Variants in CATSPERE observed in about 807,000 individuals in gnomAD.
CATSPERE encodes cation channel sperm-associated auxiliary subunit epsilon.
In CATSPERE, 93 loss-of-function variants were observed where a neutral mutation model predicts 114.1. The ratio of observed to expected loss-of-function variants is 0.81; its 90% CI spans 0.69 to 0.97. The LOEUF (loss-of-function observed/expected upper bound fraction) is 0.97. CATSPERE is among the 50% of genes least tolerant of loss of function. The pLI is 0.00. For synonymous variants in CATSPERE, 341 were observed against 384.1 expected, an observed-to-expected ratio of 0.89 and a Z score of 1.31; for missense variants, 1,058 against 1,131.6, an observed-to-expected ratio of 0.93 and a Z score of 0.93.
intron 7 of CATSPERE, among the ~76,000 whole-genome samples, chr1:244,514,611 C>CCT (rs1676291941): frequency 1.3e-5 from 2 of 152,068 alleles, no homozygotes; most frequent in Non-Finnish European, 2.9e-5. Context: ...GGGTGGATCA[C>CCT]GAGGTCAGGA....
At chr1:244,486,919 G>T (rs111755346) in intron 5 of CATSPERE, among the ~76,000 whole-genome samples, 889 of 129,096 alleles carry the variant, frequency 6.9e-3, no homozygotes, top group Middle Eastern at 0.016. Flanking sequence ...CGTGGGCCAG[G>T]TGTAGACCCT....
intron 20 of CATSPERE, among the ~76,000 whole-genome samples, chr1:244,619,389 A>G (rs1671804785): frequency 6.6e-6 from 1 of 152,226 alleles, no homozygotes; most frequent in South Asian, 2.1e-4. Context: ...GTAAAACAGG[A>G]TATTTAAAGG....
chr1:244,571,151 C>T (rs941625380), intron 10 of CATSPERE, among the ~76,000 whole-genome samples: 3 of 152,218 alleles, frequency 2.0e-5, no homozygotes, highest in African/African-American at 7.2e-5. Flanking sequence ...GTCATCCATT[C>T]ACATTTCTCC....
At position 244,552,825 on chromosome 1, in the gene CATSPERE, G is replaced by A. The variant is rs774685397; in HGVS notation, c.1029+11G>A. On this transcript the variant is annotated intron_variant, in intron 9 of 21. Coordinates refer to ENST00000366534, the MANE Select transcript of CATSPERE (RefSeq NM_001130957.2). Reference sequence around the variant, plus strand: ...AATTATTTATTAAAGGTTAGTAAAAGATATTTTATATTTTATAAATATATT... The same window carrying A: ...AATTATTTATTAAAGGTTAGTAAAAAATATTTTATATTTTATAAATATATT... The A allele has an allele frequency of 6.3e-5, 79 of 1,262,920 alleles. No individual in the cohort carries two copies. The highest frequency in any genetic ancestry group is 7.2e-5 in the Non-Finnish European group (69 of 956,030). 78.2% of individuals were successfully genotyped at this position (1,262,920 alleles called of 1,614,324 possible).
chr1:244,594,184 G>C (rs1418513169), intron 17 of CATSPERE, among the ~76,000 whole-genome samples: 1 of 152,124 alleles, frequency 6.6e-6, no homozygotes, highest in Non-Finnish European at 1.5e-5. Context: ...GCCAGGCATG[G>C]TGGTGTGTGC....
intron 1 of CATSPERE, 129 bp downstream of exon 1, chr1:244,461,623 C>T (rs886446925): frequency 6.0e-6 from 4 of 666,236 alleles, no homozygotes; most frequent in African/African-American, 3.7e-5. Flanking sequence ...GCCTCGTCTC[C>T]TGGCTCCCCA....
At chr1:244,536,800 GAGA>G (rs1213522312) in intron 8 of CATSPERE, among the ~76,000 whole-genome samples, 4 of 152,304 alleles carry the variant, frequency 2.6e-5, no homozygotes, top group Middle Eastern at 3.4e-3. Flanking sequence ...TGTTCCTATG[GAGA>G]AGAAGATTGG....
intron 13 of CATSPERE, among the ~76,000 whole-genome samples, chr1:244,584,525 T>A (rs1483512720): frequency 6.8e-6 from 1 of 148,028 alleles, no homozygotes; most frequent in Non-Finnish European, 1.5e-5. Flanking sequence ...AACTGAACAG[T>A]ATTATTACTA....
rs1050539656 is a variant in CATSPERE, at chr1:244,610,175, A to G, written c.2404-65A>G. On this transcript the variant is annotated intron_variant, in intron 18 of 21. Transcript: ENST00000366534. The stretch of plus-strand genomic sequence containing the variant: ...ATTTTCAATAGCAACAAAACATTAA[A>G]TACTTAGGAATAAGTTGATATGAAA... 8.7e-6 allele frequency: 9 copies of G among 1,033,968 alleles called. No homozygotes were observed. The African/African-American group carries it at 1.3e-4, about 15-fold the overall frequency. 64.0% of individuals were successfully genotyped at this position (1,033,968 alleles called of 1,614,324 possible).
At chr1:244,490,240 T>C (rs914267990) in intron 5 of CATSPERE, among the ~76,000 whole-genome samples, 6 of 152,212 alleles carry the variant, frequency 3.9e-5, no homozygotes, top group Admixed American at 3.9e-4. Context: ...CAGCCTTCTG[T>C]GATGACAAAT....
rs1573139939 is a variant in CATSPERE at position 244,637,587 on chromosome 1, C to A, written c.2702+2045C>A. Reference sequence around the variant, plus strand: ...CCCCCTTCACCCTTACTGGAACCTCCACCTCTACTTCCAATCTCTCTTTTT... The same window carrying A: ...CCCCCTTCACCCTTACTGGAACCTCAACCTCTACTTCCAATCTCTCTTTTT... On this transcript the variant is annotated intron_variant, in intron 21 of 21. Transcript: ENST00000366534. Among the ~76,000 whole-genome samples, 4 of 152,250 alleles carry A rather than the reference C, an allele frequency of 2.6e-5. No homozygotes were observed. The South Asian group carries it at 6.2e-4, about 24-fold the overall frequency.
upstream of CATSPERE, among the ~76,000 whole-genome samples, chr1:244,457,920 C>T (rs1666305053): frequency 2.0e-5 from 3 of 152,088 alleles, no homozygotes; most frequent in South Asian, 2.1e-4. Flanking sequence ...TGTAAAACTG[C>T]TATAATTCTA....
intron 2 of CATSPERE, among the ~76,000 whole-genome samples, chr1:244,474,208 A>G (rs1428979230): frequency 6.6e-6 from 1 of 151,624 alleles, no homozygotes; most frequent in Non-Finnish European, 1.5e-5. Flanking sequence ...ATTTTTTTGT[A>G]TTTTTAGTAG....
At position 244,560,834 on chromosome 1, in the gene CATSPERE, A is replaced by G. The variant is rs779082610; in HGVS notation, c.1196A>G (p.His399Arg). 1.2e-6 allele frequency: 2 copies of G among 1,613,964 alleles called. No individual in the cohort carries two copies. Among genetic ancestry groups the G allele is most frequent in the East Asian group, 2.2e-5 (1 of 44,870 alleles). ...LTIDRVEYTG[H>R]PLEIAVFLNY... ...ATAGACAGGGTTGAGTATACAGGACACCCTCTGGAGATTGCTGTGTTTTTA... is the reference window on the plus strand; with the variant it reads ...ATAGACAGGGTTGAGTATACAGGACGCCCTCTGGAGATTGCTGTGTTTTTA... Residue 399 changes from histidine (H) to arginine (R), a missense_variant, in exon 10 of 22, where the codon CAC becomes CGC. Physicochemically the swap from His to Arg is conservative, Grantham distance 29. Around this residue, in one of 2 missense-constraint regions of CATSPERE, gnomAD observed 787 missense variants for 905.6 expected, o/e 0.87. Transcript: ENST00000366534.
chr1:244,536,065 G>C (rs540630951), intron 8 of CATSPERE, among the ~76,000 whole-genome samples: 7 of 151,970 alleles, frequency 4.6e-5, no homozygotes, highest in East Asian at 1.9e-4. Context: ...CTAGGAACTA[G>C]GGCCTGGCAT....
chr1:244,613,844 A>G (rs1009449926), intron 19 of CATSPERE, among the ~76,000 whole-genome samples: 10 of 152,220 alleles, frequency 6.6e-5, no homozygotes, highest in African/African-American at 2.4e-4. Flanking sequence ...GGGAGCATTT[A>G]AGAGGTGATT....
intron 6 of CATSPERE, among the ~76,000 whole-genome samples, chr1:244,497,223 A>T (rs925088971): frequency 1.6e-4 from 24 of 152,198 alleles, no homozygotes; most frequent in African/African-American, 5.8e-4. Flanking sequence ...AAGCTATATG[A>T]TAATTTTTAC....
rs61291602 is a variant in CATSPERE at position 244,557,532 on chromosome 1, CATATATATATATATATATATATAT to C, written c.1030-3108_1030-3085del. 4.5e-3 allele frequency among the ~76,000 whole-genome samples: 183 copies of C among 40,640 alleles called. 13 individuals carry two copies. The South Asian group carries it at 0.091, about 20-fold the overall frequency. The allele number at this position is 40,640 out of a possible 152,430, so 26.7% of individuals were successfully genotyped here. Reference sequence around the variant, plus strand: ...TATATATAATTTTATTTGAAATATTCATATATATATATATATATATATATATATATATATATATATATATATATA... The same window carrying C: ...TATATATAATTTTATTTGAAATATTCATATATATATATATATATATATATA... On this transcript the variant is annotated intron_variant, in intron 9 of 21. Coordinates refer to ENST00000366534, the MANE Select transcript of CATSPERE (RefSeq NM_001130957.2).
At chr1:244,622,459 A>G (rs1224899663) in intron 20 of CATSPERE, among the ~76,000 whole-genome samples, 1 of 136,446 alleles carries the variant, frequency 7.3e-6, no homozygotes, top group Non-Finnish European at 1.5e-5. Context: ...GCTGGAGTGC[A>G]GTGGCGTGAT....
Sources: gnomAD v4.1 joint callset for allele counts (sites outside exome capture counted in the v4.1 genomes callset) on GRCh38, gnomAD v4.1.1 for gene constraint, gnomAD v4.1.1 regional missense constraint, MANE v1.5 for transcripts, NCBI Gene and HGNC (gene_info 2026-07-23, HGNC 2026-07-21) for gene names.